CADM2: variants seen among roughly 807,000 people sequenced by gnomAD.
The protein encoded by CADM2 is immunoglobulin superfamily member 4D.
CADM2 carries 12 observed loss-of-function variants against 49.8 expected under a neutral mutation model. The ratio of observed to expected loss-of-function variants is 0.24; its 90% CI spans 0.15 to 0.39. CADM2 has a LOEUF of 0.39. Among genes scored for constraint, CADM2 ranks in the 10% least tolerant of loss-of-function variants. The pLI is 1.00. For missense variants in CADM2, 378 were observed against 492.3 expected (o/e 0.77, Z 2.20); for synonymous variants, 214 against 175.4 (o/e 1.22, Z -1.74).
chr3:85,866,775 C>T (rs963755612), intron 3 of CADM2, among the ~76,000 whole-genome samples: 1 of 152,010 alleles, frequency 6.6e-6, no homozygotes, highest in African/African-American at 2.4e-5. Context: ...CTACTTTCAC[C>T]ATGACTGCCC....
At position 85,009,770 on chromosome 3, in the gene CADM2, G is replaced by A. The variant is rs1257992551; in HGVS notation, c.61+50102G>A. Among the ~76,000 whole-genome samples the A allele has an allele frequency of 2.6e-5, 4 of 151,826 alleles. No individual in the cohort carries two copies. In the East Asian group the frequency reaches 7.7e-4, roughly 29 times the overall value. ...AGTCCCAGTTACTCGGGAGGCTGAG[G>A]CAGGAGAATCACTTGAACCCCGGAG... On this transcript the variant is annotated intron_variant, in intron 1 of 9. Coordinates refer to ENST00000383699, the MANE Select transcript of CADM2 (RefSeq NM_001167675.2).
intron 2 of CADM2, among the ~76,000 whole-genome samples, chr3:85,731,540 G>A (rs1559619579): frequency 6.6e-6 from 1 of 151,876 alleles, no homozygotes; most frequent in Non-Finnish European, 1.5e-5. Flanking sequence ...TTATATCTGT[G>A]GGAAAAATGA....
At chr3:85,330,751 C>A (rs2044895507) in intron 1 of CADM2, among the ~76,000 whole-genome samples, 1 of 138,306 alleles carries the variant, frequency 7.2e-6, no homozygotes, top group African/African-American at 2.7e-5. Context: ...GAGGCCAGGG[C>A]AGTAAGTGCA....
At chr3:85,960,417 C>G (rs1344618309) in intron 7 of CADM2, among the ~76,000 whole-genome samples, 1 of 151,788 alleles carries the variant, frequency 6.6e-6, no homozygotes, top group African/African-American at 2.4e-5. Context: ...AGAAAACTTT[C>G]CATACTAAGC....
Position 85,961,520 on chromosome 3 carries a change from C to T in CADM2, c.843C>T (p.Asp281=), listed in dbSNP as rs2108615753. The T allele has an allele frequency of 1.2e-6, 2 of 1,607,140 alleles. No homozygotes were observed. Among genetic ancestry groups the T allele is most frequent in the Non-Finnish European group, 1.7e-6 (2 of 1,175,170 alleles). Residue 281 remains aspartate (D), a synonymous_variant, in exon 8 of 10, where the codon GAC becomes GAT. Coordinates refer to ENST00000383699, the MANE Select transcript of CADM2 (RefSeq NM_001167675.2). ...ATGGCGGAGAATTACCAGATCCTGA[C>T]CGAATGGTTGTGAGTGGTAGGGAGC... ...TKDGGELPDP[D]RMVVSGRELN...
At chr3:85,938,716 A>G (rs148778031) in intron 7 of CADM2, among the ~76,000 whole-genome samples, 1 of 152,180 alleles carries the variant, frequency 6.6e-6, no homozygotes, top group East Asian at 1.9e-4. Context: ...GCAATACTAT[A>G]GCTTAGTATT....
intron 1 of CADM2, among the ~76,000 whole-genome samples, chr3:85,342,457 ATAAT>A (rs1429779875): frequency 6.6e-6 from 1 of 152,054 alleles, no homozygotes; most frequent in Non-Finnish European, 1.5e-5. Flanking sequence ...TTATTTAATA[ATAAT>A]TTATTAATTG....
At chr3:85,551,600 G>T (rs2061803935) in intron 1 of CADM2, among the ~76,000 whole-genome samples, 1 of 152,064 alleles carries the variant, frequency 6.6e-6, no homozygotes, top group African/African-American at 2.4e-5. Context: ...TCAGTTAAAG[G>T]GTTGTCTACT....
chr3:85,753,324 G>A (rs1260884436), intron 2 of CADM2, among the ~76,000 whole-genome samples: 2 of 151,946 alleles, frequency 1.3e-5, no homozygotes, highest in African/African-American at 2.4e-5. Flanking sequence ...GAAAGAGGAA[G>A]GGGAAAGAAA....
rs148350085 is a variant in CADM2, at chr3:85,082,718, G to A, written c.61+123050G>A. ...TTAGGGGTCTTATTGCAAGGGTGCA[G>A]TGGGATGATTTTTCAGTAAAAGCCA... On this transcript the variant is annotated intron_variant, in intron 1 of 9. Coordinates refer to ENST00000383699, the MANE Select transcript of CADM2 (RefSeq NM_001167675.2). Among the ~76,000 whole-genome samples the A allele has an allele frequency of 5.5e-3, 830 of 152,244 alleles. 4 individuals are homozygous for A. Among genetic ancestry groups the A allele is most frequent in the Middle Eastern group, 0.017 (5 of 294 alleles).
chr3:85,412,266 G>A (rs1419504285), intron 1 of CADM2, among the ~76,000 whole-genome samples: 2 of 152,120 alleles, frequency 1.3e-5, no homozygotes, highest in African/African-American at 2.4e-5. Flanking sequence ...ATGGATTACT[G>A]TAAAAAGTAT....
rs182028660 is a variant in CADM2 at position 85,088,850 on chromosome 3, C to T, written c.61+129182C>T. ...TAATAATTATCTCCATTGATAATTT[C>T]ATGATTAAGAAGTATTTACATCGAT... On this transcript the variant is annotated intron_variant, in intron 1 of 9. Transcript: ENST00000383699. 1.5e-3 allele frequency among the ~76,000 whole-genome samples: 228 copies of T among 152,062 alleles called. 2 individuals carry two copies. In the Middle Eastern group the frequency reaches 0.02, roughly 14 times the overall value.
chr3:85,499,239 G>A (rs921442207), intron 1 of CADM2, among the ~76,000 whole-genome samples: 6 of 151,952 alleles, frequency 3.9e-5, no homozygotes, highest in African/African-American at 1.2e-4. Flanking sequence ...ATTAATGAGG[G>A]AAAATTCTCA....
At chr3:85,570,156 G>T (rs2107237837) in intron 1 of CADM2, among the ~76,000 whole-genome samples, 1 of 152,206 alleles carries the variant, frequency 6.6e-6, no homozygotes, top group Middle Eastern at 3.4e-3. Flanking sequence ...TGGAAAAATA[G>T]AAACATTTCC....
At chr3:85,574,261 A>G (rs1247848190) in intron 1 of CADM2, among the ~76,000 whole-genome samples, 1 of 152,228 alleles carries the variant, frequency 6.6e-6, no homozygotes, top group Non-Finnish European at 1.5e-5. Context: ...TCATAAACAA[A>G]GGATGGATTT....
intron 1 of CADM2, among the ~76,000 whole-genome samples, chr3:85,269,300 C>A (rs533850075): frequency 6.6e-6 from 1 of 151,422 alleles, no homozygotes; most frequent in Non-Finnish European, 1.5e-5. Context: ...TACACTGTGA[C>A]TTTGATATAA....
intron 8 of CADM2, among the ~76,000 whole-genome samples, chr3:85,991,392 C>G (rs952102405): frequency 1.3e-5 from 2 of 152,112 alleles, no homozygotes; most frequent in African/African-American, 4.8e-5. Flanking sequence ...AGTTTTGCCT[C>G]TTCTATAGTA....
intron 1 of CADM2, among the ~76,000 whole-genome samples, chr3:85,026,207 C>T (rs1399031782): frequency 1.3e-5 from 2 of 152,110 alleles, no homozygotes; most frequent in Non-Finnish European, 2.9e-5. Flanking sequence ...TATACATTGA[C>T]TTCCAAAAAT....
At chr3:85,442,208 A>C (rs2037234761) in intron 1 of CADM2, among the ~76,000 whole-genome samples, 1 of 151,978 alleles carries the variant, frequency 6.6e-6, no homozygotes, top group South Asian at 2.1e-4. Context: ...CTCCAGCCTC[A>C]CCATTCTAAT....
Sources: gnomAD v4.1 joint callset for allele counts (sites outside exome capture counted in the v4.1 genomes callset) on GRCh38, gnomAD v4.1.1 for gene constraint, MANE v1.5 for transcripts, NCBI Gene and HGNC (gene_info 2026-07-23, HGNC 2026-07-21) for gene names.